Variants in STPG2 observed in about 807,000 individuals in gnomAD.
The protein encoded by STPG2 is sperm-tail PG-rich repeat-containing protein 2.
In STPG2, 56 loss-of-function variants were observed where a neutral mutation model predicts 54.2. The ratio of observed to expected loss-of-function variants is 1.03; its 90% confidence interval spans 0.83 to 1.29. STPG2 has a LOEUF of 1.29. Among genes scored for constraint, STPG2 ranks in the 50% most tolerant of loss-of-function variants. The pLI, the probability that STPG2 is intolerant of heterozygous loss-of-function variation, is 0.00. For missense variants in STPG2, 596 were observed against 544.9 expected (o/e 1.09, Z -0.93); for synonymous variants, 200 against 181.8 (o/e 1.10, Z -0.81).
chr4:97,512,812 T>C (rs1386960848), intron 4 of STPG2, among the ~76,000 whole-genome samples: 1 of 152,070 alleles, frequency 6.6e-6, no homozygotes, highest in African/African-American at 2.4e-5. Flanking sequence ...ACTCTCACAA[T>C]ACAGAATAAT....
At chr4:97,630,618 C>G (rs534346560) in intron 10 of STPG2, among the ~76,000 whole-genome samples, 2 of 151,910 alleles carry the variant, frequency 1.3e-5, no homozygotes, top group African/African-American at 4.8e-5. Context: ...TTTTGAAAAA[C>G]ACATTCTTCC....
intron 10 of STPG2, among the ~76,000 whole-genome samples, chr4:97,686,942 T>A (rs1723209738): frequency 1.5e-5 from 1 of 66,556 alleles, no homozygotes; most frequent in East Asian, 3.9e-4. Flanking sequence ...ATTATTATTA[T>A]TTTTTTTTTT....
chr4:97,637,574 G>C (rs1027427244), intron 10 of STPG2, among the ~76,000 whole-genome samples: 3 of 152,178 alleles, frequency 2.0e-5, no homozygotes, highest in Non-Finnish European at 4.4e-5. Flanking sequence ...CTGATGACAT[G>C]ATTGTATATC....
At chr4:97,541,234 C>G (rs1254436787) in intron 4 of STPG2, among the ~76,000 whole-genome samples, 1 of 151,994 alleles carries the variant, frequency 6.6e-6, no homozygotes, top group East Asian at 1.9e-4. Context: ...TCATCTCAGC[C>G]CAAAATCTCC....
intron 4 of STPG2, among the ~76,000 whole-genome samples, chr4:97,493,830 C>A (rs949412616): frequency 6.6e-6 from 1 of 151,458 alleles, no homozygotes; most frequent in African/African-American, 2.4e-5. Flanking sequence ...TCCTTGGTCA[C>A]CCCCTAACAA....
chr4:97,576,952 C>T (rs1461697327), intron 10 of STPG2, among the ~76,000 whole-genome samples: 1 of 152,104 alleles, frequency 6.6e-6, no homozygotes, highest in Non-Finnish European at 1.5e-5. Context: ...TGAACAGAAA[C>T]TTCTCAAAAG....
At chr4:97,541,258 C>G (rs1471890827) in intron 4 of STPG2, among the ~76,000 whole-genome samples, 1 of 152,080 alleles carries the variant, frequency 6.6e-6, no homozygotes, top group African/African-American at 2.4e-5. Flanking sequence ...AGCTGATAAG[C>G]AACTTCAGCA....
chr4:97,518,641 C>G (rs746183439), intron 4 of STPG2, among the ~76,000 whole-genome samples: 1 of 152,000 alleles, frequency 6.6e-6, no homozygotes, highest in Admixed American at 6.6e-5. Context: ...TAAATACGAT[C>G]CATTCAGGGC....
chr4:97,906,117 A>T (rs1177605037), intron 8 of STPG2, among the ~76,000 whole-genome samples: 27 of 152,166 alleles, frequency 1.8e-4, no homozygotes, highest in African/African-American at 6.5e-4. Flanking sequence ...ATAGACCGCT[A>T]GCAAGACTAA....
intron 10 of STPG2, among the ~76,000 whole-genome samples, chr4:97,618,598 T>C (rs1226549477): frequency 1.3e-5 from 2 of 152,102 alleles, no homozygotes; most frequent in African/African-American, 4.8e-5. Context: ...GTTCAGAAAA[T>C]AGCTCATCCA....
At chr4:97,579,733 T>C (rs1186416549) in intron 10 of STPG2, among the ~76,000 whole-genome samples, 2 of 152,064 alleles carry the variant, frequency 1.3e-5, no homozygotes, top group African/African-American at 2.4e-5. Flanking sequence ...ATTAAGTTCA[T>C]GCTCTGGTCT....
intron 4 of STPG2, among the ~76,000 whole-genome samples, chr4:97,521,699 C>A (rs1451622515): frequency 6.6e-6 from 1 of 151,914 alleles, no homozygotes; most frequent in Non-Finnish European, 1.5e-5. Context: ...TCATATACAA[C>A]TTAAAATATG....
At chr4:97,700,132 A>C (rs1040972261) in intron 10 of STPG2, among the ~76,000 whole-genome samples, 1 of 152,162 alleles carries the variant, frequency 6.6e-6, no homozygotes, top group Non-Finnish European at 1.5e-5. Context: ...CCTTGCTTCA[A>C]AATCCTAGAG....
chr4:97,981,421 T>C, intron 5 of STPG2, 103 bp from the exon 6 acceptor site: 1 of 1,179,804 alleles, frequency 8.5e-7, no homozygotes, highest in East Asian at 2.5e-5. Context: ...TGGAGTTAAT[T>C]TATTTCTTAA....
intron 5 of STPG2, among the ~76,000 whole-genome samples, chr4:98,080,383 C>T (rs919639568): frequency 4.6e-5 from 7 of 152,056 alleles, no homozygotes; most frequent in Non-Finnish European, 8.8e-5. Flanking sequence ...CATGCCTCAC[C>T]ACATCTGGCC....
chr4:97,524,065 T>C (rs1731233801), intron 4 of STPG2, among the ~76,000 whole-genome samples: 1 of 151,926 alleles, frequency 6.6e-6, no homozygotes, highest in Admixed American at 6.6e-5. Context: ...TAAAGTTTCG[T>C]GACAGGAGTA....
chr4:97,546,079 T>C (rs1186590660), intron 4 of STPG2, among the ~76,000 whole-genome samples: 1 of 151,872 alleles, frequency 6.6e-6, no homozygotes, highest in East Asian at 1.9e-4. Flanking sequence ...AGTCATCTCA[T>C]CTTTAGGAGG....
In STPG2 at chr4:97,731,253, G is replaced by A. The variant is rs560551130; in HGVS notation, c.1205-18439C>T. ...TATAGTCAATTGGCTTTGTTTCTGG[G>A]TGCTTCAGAGGGCCAAACCTCTCTA... On this transcript the variant is annotated intron_variant, in intron 9 of 10. Coordinates refer to ENST00000295268, the MANE Select transcript of STPG2 (RefSeq NM_174952.3). Among the ~76,000 whole-genome samples, 15 of 152,210 alleles carry A rather than the reference G, an allele frequency of 9.9e-5. No individual in the cohort carries two copies. In the South Asian group the frequency reaches 3.1e-3, roughly 32 times the overall value.
At position 97,448,724 on chromosome 4, in the gene STPG2, G is replaced by A. The variant is rs115875938; in HGVS notation, c.463-260891C>T. ...TATTTCTTTATATCAGTGTGAGAAC[G>A]AACTGATACACTCACCATTTAGTAG... On this transcript the variant is annotated intron_variant, in intron 4 of 4. Transcript: ENST00000522676. Among the ~76,000 whole-genome samples the A allele has an allele frequency of 5.2e-3, 786 of 152,104 alleles. 9 individuals are homozygous for A. Among genetic ancestry groups the A allele is most frequent in the African/African-American group, 0.018 (737 of 41,486 alleles).
Sources: allele counts gnomAD v4.1 joint callset (sites outside exome capture counted in the v4.1 genomes callset), GRCh38; gene constraint gnomAD v4.1.1; transcripts MANE v1.5; gene names NCBI Gene and HGNC (gene_info 2026-07-23, HGNC 2026-07-21).